Variants in MCTP1 observed in about 807,000 individuals in gnomAD.
MCTP1 encodes multiple C2 and transmembrane domain containing 1, also known as multiple C2 and transmembrane domain-containing protein 1.
A neutral mutation model predicts 120.6 loss-of-function variants in MCTP1; 69 were observed. The observed-to-expected ratio is 0.57, with a 90% CI of 0.47 to 0.70. The LOEUF (loss-of-function observed/expected upper bound fraction) is 0.70, where lower values mean the gene tolerates loss of function less well. MCTP1 is among the 30% of genes least tolerant of loss of function. The probability of loss-of-function intolerance (pLI) is 0.00; values close to 1 mark genes in which losing one functional copy is unlikely to be tolerated. For synonymous variants in MCTP1, 529 were observed against 493.1 expected, an observed-to-expected ratio of 1.07 and a Z score of -0.96; for missense variants, 1,203 against 1,248.8, an observed-to-expected ratio of 0.96 and a Z score of 0.55.
At chr5:95,254,507 A>C (rs1321555966) in intron 1 of MCTP1, among the ~76,000 whole-genome samples, 1 of 152,152 alleles carries the variant, frequency 6.6e-6, no homozygotes, top group Admixed American at 6.6e-5. Context: ...TTAATAAGGC[A>C]TTCCGTCTTT....
Position 94,780,449 on chromosome 5 carries a change from C to T in MCTP1, c.2557-1286G>A, listed in dbSNP as rs75439441. Among the ~76,000 whole-genome samples, 1,421 of 152,182 alleles carry T rather than the reference C, an allele frequency of 9.3e-3. 23 individuals are homozygous for T. The highest frequency in any genetic ancestry group is 0.032 in the African/African-American group (1,340 of 41,554). On this transcript the variant is annotated intron_variant, in intron 18 of 22. Coordinates refer to ENST00000515393, the MANE Select transcript of MCTP1 (RefSeq NM_024717.7). ...AAAAGCATAACCCAAACACAAACCT[C>T]CAGGTCTCATGAACGAATATATAAT...
At chr5:95,256,258 T>C (rs148657944) in intron 1 of MCTP1, among the ~76,000 whole-genome samples, 1 of 152,248 alleles carries the variant, frequency 6.6e-6, no homozygotes, top group East Asian at 1.9e-4. Context: ...CTGGCAGGTA[T>C]TAAGAAAGTA....
intron 2 of MCTP1, among the ~76,000 whole-genome samples, chr5:94,966,782 G>A (rs1825715365): frequency 6.6e-6 from 1 of 151,162 alleles, no homozygotes; most frequent in South Asian, 2.1e-4. Context: ...GCGACAAAGC[G>A]AGACTCTGTC....
intron 1 of MCTP1, among the ~76,000 whole-genome samples, chr5:95,252,170 C>A (rs1349111753): frequency 6.6e-6 from 1 of 152,112 alleles, no homozygotes; most frequent in Non-Finnish European, 1.5e-5. Flanking sequence ...CACCATTTGT[C>A]ATGCACAGTT....
chr5:94,813,054 G>C (rs565845792), intron 17 of MCTP1, among the ~76,000 whole-genome samples: 5 of 152,022 alleles, frequency 3.3e-5, no homozygotes, highest in African/African-American at 4.8e-5. Context: ...GCCACACATC[G>C]AGAGAAAATA....
At chr5:94,962,023 C>T (rs547063639) in intron 2 of MCTP1, among the ~76,000 whole-genome samples, 1 of 152,086 alleles carries the variant, frequency 6.6e-6, no homozygotes, top group East Asian at 1.9e-4. Flanking sequence ...ATACAAATTA[C>T]CAACAAACAC....
intron 17 of MCTP1, among the ~76,000 whole-genome samples, chr5:94,839,850 G>A (rs888505884): frequency 1.3e-5 from 2 of 152,076 alleles, no homozygotes; most frequent in Non-Finnish European, 2.9e-5. Flanking sequence ...TGACTATAAA[G>A]ATCACATGAT....
intron 1 of MCTP1, among the ~76,000 whole-genome samples, chr5:95,255,396 A>T (rs987024185): frequency 6.6e-6 from 1 of 152,232 alleles, no homozygotes; most frequent in Admixed American, 6.5e-5. Flanking sequence ...TTTAAAGAAG[A>T]GAGTAGCAGG....
At chr5:94,860,643 A>T (rs1400417580) in intron 17 of MCTP1, among the ~76,000 whole-genome samples, 1 of 151,720 alleles carries the variant, frequency 6.6e-6, no homozygotes, top group Non-Finnish European at 1.5e-5. Context: ...CACCAAGAGT[A>T]TAAAAGTAAA....
intron 1 of MCTP1, among the ~76,000 whole-genome samples, chr5:95,111,095 T>C (rs566455068): frequency 9.8e-5 from 15 of 152,330 alleles, no homozygotes; most frequent in Admixed American, 5.2e-4. Flanking sequence ...TCCTAAAACA[T>C]GTTTAGATGT....
At chr5:95,022,797 T>C (rs1378247797) in intron 1 of MCTP1, among the ~76,000 whole-genome samples, 1 of 152,156 alleles carries the variant, frequency 6.6e-6, no homozygotes, top group Non-Finnish European at 1.5e-5. Flanking sequence ...TGATAAAAAT[T>C]AGCACTTAAA....
chr5:95,108,755 C>T (rs1335748876), intron 1 of MCTP1, among the ~76,000 whole-genome samples: 1 of 152,130 alleles, frequency 6.6e-6, no homozygotes, highest in East Asian at 1.9e-4. Flanking sequence ...TTACCTCATA[C>T]CTAGTGGATG....
intron 1 of MCTP1, among the ~76,000 whole-genome samples, chr5:95,276,298 G>C (rs535017176): frequency 9.1e-6 from 1 of 110,242 alleles, no homozygotes; most frequent in Non-Finnish European, 1.7e-5. Context: ...CACTCTTGTC[G>C]CCCAGGCTGG....
chr5:94,767,620 T>C (rs1452593038), intron 19 of MCTP1, among the ~76,000 whole-genome samples: 1 of 152,120 alleles, frequency 6.6e-6, no homozygotes, highest in African/African-American at 2.4e-5. Context: ...ACACCAGTAA[T>C]GAACTAGCTA....
chr5:94,920,272 GTTT>G (rs5869657), intron 7 of MCTP1, among the ~76,000 whole-genome samples: 7 of 128,218 alleles, frequency 5.5e-5, no homozygotes, highest in African/African-American at 1.1e-4. Flanking sequence ...ACAGAGACCT[GTTT>G]TTTTTTTTTT....
intron 1 of MCTP1, among the ~76,000 whole-genome samples, chr5:95,022,424 G>A (rs533051712): frequency 6.6e-6 from 1 of 152,154 alleles, no homozygotes; most frequent in African/African-American, 2.4e-5. Flanking sequence ...CAGTCTTCAA[G>A]GACCATTTCA....
chr5:95,048,885 T>C (rs1003436374), intron 1 of MCTP1, among the ~76,000 whole-genome samples: 2 of 152,178 alleles, frequency 1.3e-5, no homozygotes, highest in Non-Finnish European at 2.9e-5. Context: ...TCAAATTTTA[T>C]AGCAAAGAGC....
chr5:95,057,529 A>G (rs1038042128), intron 1 of MCTP1, among the ~76,000 whole-genome samples: 2 of 152,232 alleles, frequency 1.3e-5, no homozygotes, highest in Admixed American at 1.3e-4. Context: ...AAAGGCATTC[A>G]GCCGAAATTC....
chr5:95,075,111 C>T (rs986410829), intron 1 of MCTP1, among the ~76,000 whole-genome samples: 3 of 152,210 alleles, frequency 2.0e-5, no homozygotes, highest in Non-Finnish European at 2.9e-5. Context: ...ATACACTATT[C>T]AGGTAAAGAA....
Sources: allele counts gnomAD v4.1 joint callset (sites outside exome capture counted in the v4.1 genomes callset), GRCh38; gene constraint gnomAD v4.1.1; transcripts MANE v1.5; gene names NCBI Gene and HGNC (gene_info 2026-07-23, HGNC 2026-07-21).